The following HIVEP3 variants were observed in gnomAD, a reference collection of about 807,000 sequenced individuals.
HIVEP3 encodes the protein transcription factor HIVEP3.
In HIVEP3, 49 loss-of-function variants were observed where a neutral mutation model predicts 152.8. The ratio of observed to expected loss-of-function variants is 0.32; its 90% confidence interval spans 0.26 to 0.41. The LOEUF is 0.41. Ranked by LOEUF, HIVEP3 falls within the 10% of genes least tolerant of loss-of-function variation. The pLI is 1.00. For synonymous variants in HIVEP3, 1,269 were observed against 1,289.0 expected, an observed-to-expected ratio of 0.98 and a Z score of 0.33; for missense variants, 2,790 against 3,103.3, an observed-to-expected ratio of 0.90 and a Z score of 2.40.
intron 1 of HIVEP3, among the ~76,000 whole-genome samples, chr1:41,736,150 G>T (rs533373120): frequency 6.6e-6 from 1 of 152,120 alleles, no homozygotes; most frequent in East Asian, 1.9e-4. Context: ...ACTTAGGAAG[G>T]AATCTCGAGA....
At chr1:41,569,889 G>T (rs1439813794) in intron 5 of HIVEP3, among the ~76,000 whole-genome samples, 1 of 152,158 alleles carries the variant, frequency 6.6e-6, no homozygotes, top group Non-Finnish European at 1.5e-5. Context: ...CCCTTCAACT[G>T]GAACAGTAAT....
chr1:41,618,165 G>A (rs1273422118), intron 3 of HIVEP3, among the ~76,000 whole-genome samples: 2 of 152,246 alleles, frequency 1.3e-5, no homozygotes, highest in East Asian at 3.9e-4. Flanking sequence ...GCCATTATCT[G>A]GGAAGGGAGG....
chr1:41,954,843 C>T (rs373030853), intron 1 of HIVEP3, among the ~76,000 whole-genome samples: 2 of 152,110 alleles, frequency 1.3e-5, no homozygotes, highest in East Asian at 3.8e-4. Flanking sequence ...TATCTCTCAG[C>T]GTTGTGGTCA....
chr1:41,567,240 C>T (rs530749451), intron 5 of HIVEP3, among the ~76,000 whole-genome samples: 218 of 152,322 alleles, frequency 1.4e-3, no homozygotes, highest in Admixed American at 2.7e-3. Context: ...CCTCCATAGT[C>T]ATCAGAAGTC....
chr1:41,948,474 T>C lies in HIVEP3; in HGVS notation n.120-29950A>G, dbSNP rs190726331. On this transcript the variant is annotated intron_variant and non_coding_transcript_variant, in intron 1 of 3. Transcript: ENST00000489103. ...ACCTAAAGAGGTGGCAGTCTTACACTGCCAGAGTCATCAGAAAGAAAAGGA... is the reference window on the plus strand; with the variant it reads ...ACCTAAAGAGGTGGCAGTCTTACACCGCCAGAGTCATCAGAAAGAAAAGGA... Among the ~76,000 whole-genome samples, 1,032 of 152,112 alleles carry C rather than the reference T, an allele frequency of 6.8e-3. 2 individuals are homozygous for C. Among genetic ancestry groups the C allele is most frequent in the Non-Finnish European group, 0.011 (781 of 68,006 alleles).
intron 1 of HIVEP3, among the ~76,000 whole-genome samples, chr1:41,874,519 A>G (rs1644135283): frequency 6.6e-6 from 1 of 152,350 alleles, no homozygotes; most frequent in African/African-American, 2.4e-5. Context: ...CTTCAGCAGC[A>G]GGGCAGCTGC....
chr1:41,792,267 C>T (rs1218043461), intron 1 of HIVEP3, among the ~76,000 whole-genome samples: 1 of 152,226 alleles, frequency 6.6e-6, no homozygotes, highest in Non-Finnish European at 1.5e-5. Context: ...GATTCTGGCC[C>T]AAGGGGCAGG....
chr1:41,674,377 T>A (rs1268114650), intron 2 of HIVEP3, among the ~76,000 whole-genome samples: 2 of 152,278 alleles, frequency 1.3e-5, no homozygotes, highest in Non-Finnish European at 2.9e-5. Context: ...ATTCTGGCGA[T>A]GCTTCATCCT....
rs529989234 is a variant in HIVEP3, at chr1:41,675,531, T to G, written c.-721+25385A>C. Among the ~76,000 whole-genome samples, 44 of 152,324 alleles carry G rather than the reference T, an allele frequency of 2.9e-4. No homozygotes were observed. The South Asian group carries it at 6.8e-3, about 24-fold the overall frequency. On this transcript the variant is annotated intron_variant, in intron 2 of 8. Transcript: ENST00000372583. The stretch of plus-strand genomic sequence containing the variant: ...AGCATTTGTAACTTTTATTTATGTG[T>G]GCAGTCTTGTCAGATGAGAGTGACA...
intron 1 of HIVEP3, among the ~76,000 whole-genome samples, chr1:41,841,463 T>C (rs986564809): frequency 6.6e-6 from 1 of 152,212 alleles, no homozygotes; most frequent in African/African-American, 2.4e-5. Flanking sequence ...AGTGCAGCAC[T>C]GATAAGCTGG....
intron 1 of HIVEP3, among the ~76,000 whole-genome samples, chr1:41,839,429 G>T (rs1245614915): frequency 1.3e-5 from 2 of 152,184 alleles, no homozygotes; most frequent in South Asian, 2.1e-4. Context: ...ACTGAAAACA[G>T]ACAGGACTCT....
At chr1:41,761,293 CGTGA>C (rs1311997446) in intron 1 of HIVEP3, among the ~76,000 whole-genome samples, 4 of 151,572 alleles carry the variant, frequency 2.6e-5, no homozygotes, top group African/African-American at 9.7e-5. Context: ...TATACACCTA[CGTGA>C]GTGTGTGAGT....
chr1:41,953,871 A>T (rs928832386), intron 1 of HIVEP3, among the ~76,000 whole-genome samples: 4 of 152,248 alleles, frequency 2.6e-5, no homozygotes, highest in Admixed American at 1.3e-4. Context: ...GCACAAAAAA[A>T]CAGGCATCAA....
intron 1 of HIVEP3, among the ~76,000 whole-genome samples, chr1:41,975,005 G>T (rs1365663129): frequency 6.6e-6 from 1 of 152,156 alleles, no homozygotes; most frequent in Non-Finnish European, 1.5e-5. Flanking sequence ...GCTCCAGACT[G>T]AAAGGAGCTA....
intron 1 of HIVEP3, among the ~76,000 whole-genome samples, chr1:41,845,435 A>G (rs949614428): frequency 2.7e-5 from 4 of 150,798 alleles, no homozygotes; most frequent in Admixed American, 6.6e-5. Flanking sequence ...ACACACACAC[A>G]CACACACACA....
Position 41,513,653 on chromosome 1 carries a change from G to A in HIVEP3, c.5568C>T (p.Asp1856=). ...CATCCTCGTCTTCGTCCAGGTCTGA[G>A]TCTGAGTCCGAGTCCTCCAGGTCCG... The part of the protein sequence containing the change: ...QFSDLEDSDS[D]SDLDEDEDED... The change falls in exon 8 of 9, where the codon GAC becomes GAT. Residue 1856 remains aspartate (D), a synonymous_variant. Transcript: ENST00000372583. The A allele has an allele frequency of 6.2e-7, 1 of 1,613,776 alleles. No homozygotes were observed. The highest frequency in any genetic ancestry group is 8.5e-7 in the Non-Finnish European group (1 of 1,179,954).
rs751468632 is a variant in HIVEP3 at position 41,524,783 on chromosome 1, C to T, written c.5335G>A (p.Val1779Ile). 1.1e-5 allele frequency: 17 copies of T among 1,614,140 alleles called. No individual in the cohort carries two copies. The highest frequency in any genetic ancestry group is 4.4e-5 in the South Asian group (4 of 91,074). Residue 1779 changes from valine to isoleucine, a missense_variant, in exon 6 of 9, where the codon GTC becomes ATC. Transcript: ENST00000372583. Reference protein sequence around the residue: ...LKKHIRTHTDVRPYVCKHCHF... With the variant: ...LKKHIRTHTDIRPYVCKHCHF... ...CAGTGCTTGCACACATAGGGCCGGA[C>T]GTCAGTGTGGGTGCGGATGTGTTTC...
intron 1 of HIVEP3, among the ~76,000 whole-genome samples, chr1:41,997,114 A>C (rs1026830700): frequency 6.6e-6 from 1 of 152,258 alleles, no homozygotes; most frequent in African/African-American, 2.4e-5. Flanking sequence ...TAGGATGTGA[A>C]CATCTATGGC....
At chr1:41,911,731 G>A (rs1644799206) in intron 1 of HIVEP3, among the ~76,000 whole-genome samples, 1 of 152,268 alleles carries the variant, frequency 6.6e-6, no homozygotes, top group African/African-American at 2.4e-5. Flanking sequence ...AAAAATTTCA[G>A]CTACACCCAA....
Sources: gnomAD v4.1 joint callset for allele counts (sites outside exome capture counted in the v4.1 genomes callset) on GRCh38, gnomAD v4.1.1 for gene constraint, MANE v1.5 for transcripts, NCBI Gene and HGNC (gene_info 2026-07-23, HGNC 2026-07-21) for gene names.